Variants in OPTN observed in about 807,000 individuals in gnomAD.
The protein encoded by OPTN is optineurin, also known as E3-14.7K-interacting protein.
A neutral mutation model predicts 70.4 loss-of-function variants in OPTN; 54 were observed. The ratio of observed to expected loss-of-function variants is 0.77; its 90% CI spans 0.62 to 0.96. The LOEUF (loss-of-function observed/expected upper bound fraction) is 0.96. Ranked by LOEUF, OPTN falls within the 40% of genes least tolerant of loss-of-function variation. OPTN has a pLI of 0.00. For synonymous variants in OPTN, 256 were observed against 248.5 expected (o/e 1.03, Z -0.28); for missense variants, 624 against 673.2 (o/e 0.93, Z 0.81).
In OPTN at chr10:13,137,904, AT is replaced by A; in HGVS notation, c.*1042del. The A allele has an allele frequency of 4.5e-6, 1 of 222,220 alleles. No homozygotes were observed. The highest frequency in any genetic ancestry group is 9.0e-6 in the Non-Finnish European group (1 of 111,334). 13.8% of individuals were successfully genotyped at this position (222,220 alleles called of 1,614,324 possible). On this transcript the variant is annotated 3_prime_UTR_variant, in exon 15 of 15. Transcript: ENST00000378747. ...TAATTTCTAAAAAGAACAGCTGCCTATTTTCTTCCTAGGTTAGGTTATATCT... is the reference window on the plus strand; with the variant it reads ...TAATTTCTAAAAAGAACAGCTGCCTATTTCTTCCTAGGTTAGGTTATATCT...
intron 12 of OPTN, among the ~76,000 whole-genome samples, chr10:13,131,106 C>T (rs1050112391): frequency 3.9e-5 from 6 of 152,022 alleles, no homozygotes; most frequent in South Asian, 2.1e-4. Context: ...TTTTTAGTAG[C>T]GATGAGGTTT....
Position 13,109,293 on chromosome 10 carries a change from G to A in OPTN, c.166+5G>A. 1.2e-6 allele frequency: 2 copies of A among 1,613,848 alleles called. No homozygotes were observed. Among genetic ancestry groups the A allele is most frequent in the East Asian group, 2.2e-5 (1 of 44,878 alleles). On this transcript the variant is annotated splice_donor_5th_base_variant and intron_variant, in intron 3 of 14. Coordinates refer to ENST00000378747, the MANE Select transcript of OPTN (RefSeq NM_001008212.2). ...CCGAGAACCACCAGCTGAAAGGTGA[G>A]CAGGGCTGGCCCCTGTGTGCCCCAT...
intron 5 of OPTN, among the ~76,000 whole-genome samples, chr10:13,115,237 C>CTA (rs1471276677): frequency 3.7e-4 from 8 of 21,522 alleles, no homozygotes; most frequent in Non-Finnish European, 4.7e-4. Flanking sequence ...ATAGATATAT[C>CTA]TATATATATC....
chr10:13,112,606 G>A lies in OPTN; in HGVS notation c.523G>A (p.Glu175Lys), dbSNP rs1351290215. 1 of 1,614,204 alleles carries A rather than the reference G, an allele frequency of 6.2e-7. No individual in the cohort carries two copies. The highest frequency in any genetic ancestry group is 2.2e-5 in the East Asian group (1 of 44,880). Residue 175 changes from glutamate to lysine, a missense_variant, in exon 5 of 15, where the codon GAA (glutamate) becomes AAA (lysine). Transcript: ENST00000378747. ...QLKLNSSGSS[E>K]DSFVEIRMAE... Reference sequence around the variant, plus strand: ...CAAGCTGAACTCCAGCGGCTCCTCAGAAGATTCCTTTGTTGAAATTAGGAT... The same window carrying A: ...CAAGCTGAACTCCAGCGGCTCCTCAAAAGATTCCTTTGTTGAAATTAGGAT...
At chr10:13,119,093 GAT>G in intron 7 of OPTN, 53 bp downstream of exon 7, 1 of 1,514,102 alleles carries the variant, frequency 6.6e-7, no homozygotes. Flanking sequence ...GCTTTCCTGA[GAT>G]ATAATTAAGA....
At position 13,112,490 on chromosome 10, in the gene OPTN, C is replaced by T. The variant is rs764364218; in HGVS notation, c.407C>T (p.Ala136Val). 3.3e-5 allele frequency: 53 copies of T among 1,613,864 alleles called. No individual in the cohort carries two copies. The East Asian group carries it at 5.1e-4, about 16-fold the overall frequency. ...TDDSRLPRAE[A>V]EQEKDQLRTQ... ...GACTCCAGGCTTCCCAGGGCCGAAGCGGAGCAGGAAAAGGACCAGCTCAGG... is the reference window on the plus strand; with the variant it reads ...GACTCCAGGCTTCCCAGGGCCGAAGTGGAGCAGGAAAAGGACCAGCTCAGG... The change falls in exon 5 of 15, where the codon GCG becomes GTG. Residue 136 changes from alanine (A) to valine (V), a missense_variant. Transcript: ENST00000378747.
At chr10:13,130,626 T>C (rs1833576332) in intron 12 of OPTN, among the ~76,000 whole-genome samples, 1 of 152,030 alleles carries the variant, frequency 6.6e-6, no homozygotes, top group African/African-American at 2.4e-5. Flanking sequence ...CTCACATTGA[T>C]AGGATATCCC....
Position 13,110,465 on chromosome 10 carries a change from A to C in OPTN, c.358A>C (p.Arg120=). The part of the protein sequence containing the change: ...ELGKLKGKSE[R]SSEDPTDDSR... ...TGGAAAACTAAAAGGGAAATCAGAAAGGTCATCTGAGGTGAGCAGACCGAT... is the reference window on the plus strand; with the variant it reads ...TGGAAAACTAAAAGGGAAATCAGAACGGTCATCTGAGGTGAGCAGACCGAT... The change falls in exon 4 of 15, where the codon AGG becomes CGG. Residue 120 remains arginine, a synonymous_variant. Transcript: ENST00000378747. 1.2e-6 allele frequency: 2 copies of C among 1,613,258 alleles called. No individual in the cohort carries two copies. The highest frequency in any genetic ancestry group is 1.7e-6 in the Non-Finnish European group (2 of 1,179,580).
chr10:13,125,628 A>T (rs1222416989), intron 10 of OPTN, 61 bp downstream of exon 10: 2 of 1,591,280 alleles, frequency 1.3e-6, no homozygotes, highest in East Asian at 4.5e-5. Flanking sequence ...GCCTTTTTAT[A>T]CAGATTGGAA....
intron 6 of OPTN, among the ~76,000 whole-genome samples, chr10:13,117,173 C>T (rs1326131326): frequency 1.3e-5 from 2 of 149,460 alleles, no homozygotes; most frequent in East Asian, 2.0e-4. Flanking sequence ...CTCCGCCTCC[C>T]GGGTTCACGC....
In OPTN at chr10:13,125,508, A is replaced by G; in HGVS notation, c.1089A>G (p.Leu363=). Residue 363 remains leucine, a synonymous_variant, in exon 10 of 15, where the codon CTA becomes CTG. Coordinates refer to ENST00000378747, the MANE Select transcript of OPTN (RefSeq NM_001008212.2). ...TTTATACTAACAAAAAGTTAGAGCT[A>G]CAAGTGGAAAGCATGCTATCAGAAA... ...ELVYTNKKLE[L]QVESMLSEIK... is the part of the protein sequence containing the mutation. 1 of 1,614,190 alleles carries G rather than the reference A, an allele frequency of 6.2e-7. No individual in the cohort carries two copies. Among genetic ancestry groups the G allele is most frequent in the Non-Finnish European group, 8.5e-7 (1 of 1,180,014 alleles).
intron 1 of OPTN, among the ~76,000 whole-genome samples, chr10:13,101,710 G>A (rs1052398552): frequency 5.9e-5 from 9 of 152,268 alleles, no homozygotes; most frequent in Admixed American, 5.2e-4. Context: ...TAGAATCTGT[G>A]TTATGAAGTG....
At chr10:13,111,612 T>C (rs1311177219) in intron 4 of OPTN, among the ~76,000 whole-genome samples, 1 of 151,818 alleles carries the variant, frequency 6.6e-6, no homozygotes, top group African/African-American at 2.4e-5. Context: ...GCAGGAGAAT[T>C]GCTTAAACCC....
intron 6 of OPTN, among the ~76,000 whole-genome samples, chr10:13,116,799 T>C (rs1833218863): frequency 6.6e-6 from 1 of 152,236 alleles, no homozygotes; most frequent in Non-Finnish European, 1.5e-5. Flanking sequence ...TAACAATGAC[T>C]GATAGCACTC....
At chr10:13,136,679 C>T (rs375676837) in intron 14 of OPTN, 66 bp from the exon 15 acceptor site, 10 of 1,603,034 alleles carry the variant, frequency 6.2e-6, no homozygotes, top group East Asian at 2.2e-5. Context: ...GCCATCTGTT[C>T]TTCAAGTGAA....
intron 3 of OPTN, 164 bp downstream of exon 3, chr10:13,109,452 G>A: frequency 1.5e-6 from 1 of 658,420 alleles, no homozygotes; most frequent in Non-Finnish European, 2.6e-6. Context: ...AATCTGTTCT[G>A]ATTTTTACTT....
intron 12 of OPTN, among the ~76,000 whole-genome samples, chr10:13,130,553 C>T (rs1448787245): frequency 4.0e-5 from 6 of 150,694 alleles, no homozygotes; most frequent in Non-Finnish European, 8.8e-5. Flanking sequence ...GAGACTAAAT[C>T]GAATTTAAGT....
At position 13,137,817 on chromosome 10, in the gene OPTN, AAAG is replaced by A; in HGVS notation, c.*955_*957del. On this transcript the variant is annotated 3_prime_UTR_variant, in exon 15 of 15. Transcript: ENST00000378747. Reference sequence around the variant, plus strand: ...GGATTTCTTTACCCATTCACAGTGTAAAGAAGTTACCTTCATGCTTTCATTGTA... The same window carrying A: ...GGATTTCTTTACCCATTCACAGTGTAAAGTTACCTTCATGCTTTCATTGTA... 1 of 227,978 alleles carries A rather than the reference AAAG, an allele frequency of 4.4e-6. No individual in the cohort carries two copies. The highest frequency in any genetic ancestry group is 8.7e-6 in the Non-Finnish European group (1 of 114,824). The allele number at this position is 227,978 out of a possible 1,614,324, so 14.1% of individuals were successfully genotyped here. A position where few individuals can be genotyped will look rare whatever the true frequency, so the allele number is the denominator to read the frequency against.
At chr10:13,111,767 C>A (rs574862557) in intron 4 of OPTN, among the ~76,000 whole-genome samples, 2 of 151,366 alleles carry the variant, frequency 1.3e-5, no homozygotes, top group East Asian at 1.9e-4. Flanking sequence ...TGTTGAGAAA[C>A]TTCCTTGTCA....
Sources: allele counts gnomAD v4.1 joint callset (sites outside exome capture counted in the v4.1 genomes callset), GRCh38; gene constraint gnomAD v4.1.1; transcripts MANE v1.5; gene names NCBI Gene and HGNC (gene_info 2026-07-23, HGNC 2026-07-21).